Variants in PCDH15 observed in about 807,000 individuals in gnomAD.
PCDH15 encodes the protein protocadherin-15.
In PCDH15, 129 loss-of-function variants were observed where a neutral mutation model predicts 178.5. The ratio of observed to expected loss-of-function variants is 0.72; its 90% CI spans 0.63 to 0.84. The LOEUF is 0.84. Ranked by LOEUF, PCDH15 falls within the 40% of genes least tolerant of loss-of-function variation. The pLI is 0.00. For synonymous variants in PCDH15, 800 were observed against 732.0 expected, an observed-to-expected ratio of 1.09 and a Z score of -1.50; for missense variants, 2,230 against 2,099.9, an observed-to-expected ratio of 1.06 and a Z score of -1.21.
intron 3 of PCDH15, among the ~76,000 whole-genome samples, chr10:54,451,208 C>A (rs1265559364): frequency 6.6e-6 from 1 of 151,826 alleles, no homozygotes; most frequent in African/African-American, 2.4e-5. Flanking sequence ...TTTATCTTCA[C>A]TACTGGCATT....
At chr10:54,018,837 A>G (rs2092822898) in intron 20 of PCDH15, among the ~76,000 whole-genome samples, 1 of 152,074 alleles carries the variant, frequency 6.6e-6, no homozygotes, top group African/African-American at 2.4e-5. Context: ...GAAACTTGAT[A>G]TCTATAGTCA....
intron 2 of PCDH15, among the ~76,000 whole-genome samples, chr10:55,086,621 C>T (rs895520333): frequency 5.9e-5 from 9 of 151,958 alleles, no homozygotes; most frequent in African/African-American, 9.7e-5. Context: ...AGCAATGAGA[C>T]CAGTCACAGA....
chr10:54,515,181 C>A (rs545506557), intron 3 of PCDH15, among the ~76,000 whole-genome samples: 1 of 152,322 alleles, frequency 6.6e-6, no homozygotes, highest in South Asian at 2.1e-4. Context: ...AGAGGCATTG[C>A]TTCACTCAGG....
At chr10:55,296,653 C>T (rs533671305) in intron 1 of PCDH15, among the ~76,000 whole-genome samples, 2 of 152,098 alleles carry the variant, frequency 1.3e-5, no homozygotes, top group Admixed American at 6.6e-5. Flanking sequence ...TATTTTATTC[C>T]GTCACAGAAG....
chr10:54,408,746 G>T (rs1295027385), intron 3 of PCDH15, among the ~76,000 whole-genome samples: 2 of 152,192 alleles, frequency 1.3e-5, no homozygotes, highest in Non-Finnish European at 2.9e-5. Flanking sequence ...ACATTGTTCA[G>T]AATGTACTAT....
chr10:55,284,635 C>T (rs1261012296), intron 1 of PCDH15, among the ~76,000 whole-genome samples: 2 of 151,940 alleles, frequency 1.3e-5, no homozygotes, highest in Non-Finnish European at 2.9e-5. Context: ...TCTGTATTTA[C>T]CATAGTAAAA....
intron 2 of PCDH15, among the ~76,000 whole-genome samples, chr10:55,099,670 C>T (rs1293185990): frequency 6.6e-6 from 1 of 151,870 alleles, no homozygotes; most frequent in Non-Finnish European, 1.5e-5. Flanking sequence ...TCAGTAATAT[C>T]CATAAGAGTT....
At position 53,807,069 on chromosome 10, in the gene PCDH15, C is replaced by T; in HGVS notation, c.4733G>A (p.Gly1578Glu). The change falls in exon 38 of 38, where the codon GGA (glycine) becomes GAA (glutamate). Residue 1578 changes from glycine (G) to glutamate (E), a missense_variant. Gly to Glu is a moderately conservative substitution (Grantham distance 98). Transcript: ENST00000644397. ...VDREYETSST[G>E]EDSAPECQRN... Reference sequence around the variant, plus strand: ...CTGACATTCAGGAGCACTGTCTTCTCCAGTTGAGCTGGTTTCATACTCTCG... The same window carrying T: ...CTGACATTCAGGAGCACTGTCTTCTTCAGTTGAGCTGGTTTCATACTCTCG... 1 of 1,612,208 alleles carries T rather than the reference C, an allele frequency of 6.2e-7. No individual in the cohort carries two copies. Among genetic ancestry groups the T allele is most frequent in the South Asian group, 1.1e-5 (1 of 91,040 alleles).
intron 26 of PCDH15, among the ~76,000 whole-genome samples, chr10:53,873,005 T>C (rs557001976): frequency 1.3e-5 from 2 of 152,322 alleles, no homozygotes; most frequent in South Asian, 4.1e-4. Flanking sequence ...ATCAGCTCTA[T>C]TGATCTCTGT....
At chr10:54,201,300 T>C (rs1163027444) in intron 10 of PCDH15, among the ~76,000 whole-genome samples, 2 of 152,174 alleles carry the variant, frequency 1.3e-5, no homozygotes, top group Non-Finnish European at 2.9e-5. Flanking sequence ...ATGTAGTGAA[T>C]TATGGTCTTA....
chr10:54,562,400 A>G lies in PCDH15; in HGVS notation c.92-34523T>C, dbSNP rs140746246. 6.6e-5 allele frequency among the ~76,000 whole-genome samples: 10 copies of G among 152,282 alleles called. No homozygotes were observed. The East Asian group carries it at 1.9e-3, about 29-fold the overall frequency. ...GAGTAAGAATGGAATTCAGTAACTC[A>G]ATATTGATATCAAGAAATTAGAAGA... On this transcript the variant is annotated intron_variant, in intron 2 of 37. Coordinates refer to ENST00000644397, the MANE Select transcript of PCDH15 (RefSeq NM_001384140.1).
At chr10:54,300,265 C>T (rs1385325739) in intron 8 of PCDH15, among the ~76,000 whole-genome samples, 1 of 152,218 alleles carries the variant, frequency 6.6e-6, no homozygotes, top group Non-Finnish European at 1.5e-5. Flanking sequence ...ATACCAACCT[C>T]TGGAGTTGGG....
At chr10:54,498,092 G>T (rs2080304882) in intron 3 of PCDH15, among the ~76,000 whole-genome samples, 1 of 152,010 alleles carries the variant, frequency 6.6e-6, no homozygotes, top group Non-Finnish European at 1.5e-5. Context: ...AACCCAATTA[G>T]GCTAACAGTG....
At chr10:54,119,472 A>G (rs781177723) in intron 15 of PCDH15, among the ~76,000 whole-genome samples, 1 of 152,134 alleles carries the variant, frequency 6.6e-6, no homozygotes, top group Non-Finnish European at 1.5e-5. Context: ...AAAATGTACA[A>G]TGTCTTCAAG....
At chr10:54,729,959 A>G (rs1943112329) in intron 1 of PCDH15, among the ~76,000 whole-genome samples, 1 of 151,622 alleles carries the variant, frequency 6.6e-6, no homozygotes, top group Non-Finnish European at 1.5e-5. Context: ...AGGAGTGCAA[A>G]TTTGTTCGGC....
intron 8 of PCDH15, among the ~76,000 whole-genome samples, chr10:54,303,197 A>G (rs1386998447): frequency 1.3e-5 from 2 of 152,154 alleles, no homozygotes; most frequent in Non-Finnish European, 2.9e-5. Context: ...ATTATCACTC[A>G]GAGAATTGCT....
chr10:55,544,227 T>G (rs1841831106), intron 2 of PCDH15, among the ~76,000 whole-genome samples: 1 of 147,396 alleles, frequency 6.8e-6, no homozygotes, highest in South Asian at 2.1e-4. Context: ...CACTTATACA[T>G]GTATATATAG....
At chr10:54,937,219 G>GT in intron 2 of PCDH15, among the ~76,000 whole-genome samples, 1 of 151,882 alleles carries the variant, frequency 6.6e-6, no homozygotes, top group East Asian at 1.9e-4. Context: ...TGGTTTTGTA[G>GT]TAAGTTATAC....
intron 2 of PCDH15, among the ~76,000 whole-genome samples, chr10:55,012,962 G>A (rs1393975476): frequency 6.6e-6 from 1 of 152,024 alleles, no homozygotes; most frequent in African/African-American, 2.4e-5. Flanking sequence ...ATTACTTCAA[G>A]CTCAATATAT....
Sources: allele counts gnomAD v4.1 joint callset (sites outside exome capture counted in the v4.1 genomes callset), GRCh38; gene constraint gnomAD v4.1.1; transcripts MANE v1.5; gene names NCBI Gene and HGNC (gene_info 2026-07-23, HGNC 2026-07-21).